Variants in DYNC1H1 observed in about 807,000 individuals in gnomAD.
DYNC1H1 encodes dynein cytoplasmic 1 heavy chain 1.
In DYNC1H1, 51 loss-of-function variants were observed where a neutral mutation model predicts 527.1. That is an observed-to-expected ratio of 0.10 (90% confidence interval 0.08 to 0.12). The LOEUF is 0.12. Among genes scored for constraint, DYNC1H1 ranks in the 10% least tolerant of loss-of-function variants. DYNC1H1 has a pLI of 1.00. For synonymous variants in DYNC1H1, 2,189 were observed against 2,278.8 expected (o/e 0.96, Z 1.12); for missense variants, 2,771 against 5,971.8 (o/e 0.46, Z 17.66).
At position 102,044,791 on chromosome 14, in the gene DYNC1H1, T is replaced by C; in HGVS notation, c.13006+93T>C. The C allele has an allele frequency of 7.1e-7, 1 of 1,408,748 alleles. No individual in the cohort carries two copies. The highest frequency in any genetic ancestry group is 9.9e-7 in the Non-Finnish European group (1 of 1,007,100). 87.3% of individuals were successfully genotyped at this position (1,408,748 alleles called of 1,614,324 possible). On this transcript the variant is annotated intron_variant, in intron 72 of 77. Coordinates refer to ENST00000360184, the MANE Select transcript of DYNC1H1 (RefSeq NM_001376.5). The surrounding 1 kb of genome is among the most constrained non-coding windows in gnomAD (Gnocchi z 7.1). ...CGAGGGTCCCCACACGCAGGGTGAGTGTGCACTGCTGTCCCAGGGCCCTCC... is the reference window on the plus strand; with the variant it reads ...CGAGGGTCCCCACACGCAGGGTGAGCGTGCACTGCTGTCCCAGGGCCCTCC...
At chr14:102,031,773 G>A (rs949779563) in intron 51 of DYNC1H1, among the ~76,000 whole-genome samples, 1 of 152,128 alleles carries the variant, frequency 6.6e-6, no homozygotes, top group African/African-American at 2.4e-5. Flanking sequence ...TGACCAACAT[G>A]GAGAAACCCC....
In DYNC1H1 at chr14:102,042,459, G is replaced by A; in HGVS notation, c.12351G>A (p.Gln4117=). ...MQLEKKLHSL[Q]PHACFRLFLT... ...TGGAGAAGAAGTTGCATTCCCTGCA[G>A]CCGCATGCCTGCTTCCGACTCTTCC... The change falls in exon 68 of 78, where the codon CAG becomes CAA. Residue 4117 remains glutamine, a synonymous_variant. Coordinates refer to ENST00000360184, the MANE Select transcript of DYNC1H1 (RefSeq NM_001376.5). This position sits in a 1 kb window ranked among gnomAD's most constrained non-coding sequence, Gnocchi z 5.7. The A allele has an allele frequency of 1.2e-6, 2 of 1,614,158 alleles. No homozygotes were observed. The highest frequency in any genetic ancestry group is 8.5e-7 in the Non-Finnish European group (1 of 1,180,036).
At chr14:102,030,319 G>C in intron 51 of DYNC1H1, 37 bp downstream of exon 51, 2 of 1,613,908 alleles carry the variant, frequency 1.2e-6, no homozygotes, top group Non-Finnish European at 1.7e-6. Context: ...TGTCTAGGAA[G>C]GGTGGTCTCC....
rs17541408 is a variant in DYNC1H1 at position 102,032,794 on chromosome 14, A to G, written c.10080-271A>G. The G allele has an allele frequency of 3.2e-3, 1,811 of 564,388 alleles. 22 individuals are homozygous for G. Among genetic ancestry groups the G allele is most frequent in the East Asian group, 0.017 (553 of 31,870 alleles). The allele number at this position is 564,388 out of a possible 1,614,324, so 35.0% of individuals were successfully genotyped here. A position where few individuals can be genotyped will look rare whatever the true frequency, so the allele number is the denominator to read the frequency against. ...CCTGAACCCAGGGGATCAAGGCTTC[A>G]GTGAACCGAGATCACACCACCGCAC... On this transcript the variant is annotated intron_variant, in intron 52 of 77. Coordinates refer to ENST00000360184, the MANE Select transcript of DYNC1H1 (RefSeq NM_001376.5).
intron 2 of DYNC1H1, among the ~76,000 whole-genome samples, chr14:101,978,974 T>G (rs1392928325): frequency 6.6e-6 from 1 of 152,228 alleles, no homozygotes; most frequent in Admixed American, 6.5e-5. Context: ...TCTTATCACC[T>G]TAACCAGTGA....
chr14:101,980,215 T>C, intron 4 of DYNC1H1, 149 bp from the exon 5 acceptor site: 1 of 1,156,312 alleles, frequency 8.6e-7, no homozygotes, highest in African/African-American at 1.5e-5. Context: ...CGTATACCTT[T>C]GATTTCAAAT....
Position 102,049,844 on chromosome 14 carries a change from A to G in DYNC1H1, c.13646A>G (p.Gln4549Arg). 6.2e-7 allele frequency: 1 copy of G among 1,613,862 alleles called. No individual in the cohort carries two copies. The highest frequency in any genetic ancestry group is 8.5e-7 in the Non-Finnish European group (1 of 1,180,028). Residue 4549 changes from glutamine (Q) to arginine (R), a missense_variant, in exon 76 of 78, where the codon CAG (glutamine) becomes CGG (arginine). Transcript: ENST00000360184. The surrounding 1 kb of genome is among the most constrained non-coding windows in gnomAD (Gnocchi z 5.5). ...LCLEVNVTTS[Q>R]GATLDACSFG... ...CTGGAAGTCAACGTCACCACCTCAC[A>G]GGGCGCCACCCTTGACGCTTGCAGC...
In DYNC1H1 at chr14:102,033,273, A is replaced by G. The variant is rs1567019118; in HGVS notation, c.10202A>G (p.Asn3401Ser). The change falls in exon 54 of 78, where the codon AAC becomes AGC. Residue 3401 changes from asparagine (N) to serine (S), a missense_variant. Asn to Ser is a conservative substitution (Grantham distance 46). Around this residue, in one of 32 missense-constraint regions of DYNC1H1, gnomAD observed 283 missense variants for 737.6 expected, o/e 0.38. Transcript: ENST00000360184. The surrounding 1 kb of genome is among the most constrained non-coding windows in gnomAD (Gnocchi z 5.6). ...PMVKWAIAQLNYADMLKRVEP... is the reference protein window; with the variant it reads ...PMVKWAIAQLSYADMLKRVEP... ...TTATCAATTGGTTCTTCCCAGCTTA[A>G]CTATGCAGACATGTTAAAGAGAGTG... is the stretch of plus-strand genomic sequence containing the variant. 1.9e-6 allele frequency: 3 copies of G among 1,614,220 alleles called. No individual in the cohort carries two copies. Among genetic ancestry groups the G allele is most frequent in the Non-Finnish European group, 2.5e-6 (3 of 1,180,040 alleles).
At position 101,965,814 on chromosome 14, in the gene DYNC1H1, A is replaced by G. The variant is rs555429696; in HGVS notation, c.256+867A>G. Reference sequence around the variant, plus strand: ...GTAATATTTGAGTCTAATTTTACAGATTAAAAAAAAAAAAAAAGATTCAGG... The same window carrying G: ...GTAATATTTGAGTCTAATTTTACAGGTTAAAAAAAAAAAAAAAGATTCAGG... On this transcript the variant is annotated intron_variant, in intron 1 of 77. Coordinates refer to ENST00000360184, the MANE Select transcript of DYNC1H1 (RefSeq NM_001376.5). This position sits in a 1 kb window ranked among gnomAD's most constrained non-coding sequence, Gnocchi z 4.1. 3.2e-4 allele frequency among the ~76,000 whole-genome samples: 45 copies of G among 141,486 alleles called. No homozygotes were observed. Among genetic ancestry groups the G allele is most frequent in the African/African-American group, 1.2e-3 (42 of 34,278 alleles). 92.8% of individuals were successfully genotyped at this position (141,486 alleles called of 152,430 possible).
At chr14:102,048,808 CTCAAGGTGGGCGGGGGGAGGGGA>C in intron 74 of DYNC1H1, 139 bp downstream of exon 74, 2 of 573,104 alleles carry the variant, frequency 3.5e-6, no homozygotes. Context: ...TGCTCTTACC[CTCAAGGTGGGCGGGGGGAGGGGA>C]GGAGCTTAGA....
Position 102,010,194 on chromosome 14 carries a change from A to C in DYNC1H1, c.6222-82A>C. On this transcript the variant is annotated intron_variant, in intron 30 of 77. Coordinates refer to ENST00000360184, the MANE Select transcript of DYNC1H1 (RefSeq NM_001376.5). This position sits in a 1 kb window ranked among gnomAD's most constrained non-coding sequence, Gnocchi z 6.0. Reference sequence around the variant, plus strand: ...TGATGGTACGTCTTTCAAAATATCCATCTCTGGTTTCTTGACACTTGACCC... The same window carrying C: ...TGATGGTACGTCTTTCAAAATATCCCTCTCTGGTTTCTTGACACTTGACCC... The C allele has an allele frequency of 6.2e-7, 1 of 1,612,280 alleles. No individual in the cohort carries two copies. The highest frequency in any genetic ancestry group is 2.2e-5 in the East Asian group (1 of 44,886).
Position 102,036,367 on chromosome 14 carries a change from C to G in DYNC1H1, c.10755-122C>G. ...GTAAACCTGAAAACGTCTCCGGAAA[C>G]CACTCTCGGGTGGTGGTAACAGCCT... On this transcript the variant is annotated intron_variant, in intron 56 of 77. Transcript: ENST00000360184. This position sits in a 1 kb window ranked among gnomAD's most constrained non-coding sequence, Gnocchi z 5.6. 7.5e-7 allele frequency: 1 copy of G among 1,337,442 alleles called. No individual in the cohort carries two copies. Among genetic ancestry groups the G allele is most frequent in the Non-Finnish European group, 1.1e-6 (1 of 941,390 alleles). 82.8% of individuals were successfully genotyped at this position (1,337,442 alleles called of 1,614,324 possible).
intron 34 of DYNC1H1, among the ~76,000 whole-genome samples, 199 bp from the exon 35 acceptor site, chr14:102,014,906 C>T (rs1302711685): frequency 6.6e-6 from 1 of 152,144 alleles, no homozygotes; most frequent in African/African-American, 2.4e-5. Context: ...GCCTCCACCT[C>T]CCAGGCTCAA....
intron 43 of DYNC1H1, among the ~76,000 whole-genome samples, chr14:102,024,351 T>G (rs2048424199): frequency 2.0e-5 from 3 of 152,180 alleles, no homozygotes; most frequent in African/African-American, 7.2e-5. Context: ...GTGATAGACG[T>G]GAGTAAGAGC....
chr14:101,996,930 C>A, intron 15 of DYNC1H1, 105 bp from the exon 16 acceptor site: 1 of 1,477,534 alleles, frequency 6.8e-7, no homozygotes, highest in Admixed American at 2.0e-5. Context: ...GCCAGTCTTA[C>A]GTGTTTTATA....
At position 102,010,703 on chromosome 14, in the gene DYNC1H1, A is replaced by T; in HGVS notation, c.6406-37A>T. 1 of 1,610,498 alleles carries T rather than the reference A, an allele frequency of 6.2e-7. No homozygotes were observed. Among genetic ancestry groups the T allele is most frequent in the East Asian group, 2.2e-5 (1 of 44,874 alleles). On this transcript the variant is annotated intron_variant, in intron 31 of 77. Coordinates refer to ENST00000360184, the MANE Select transcript of DYNC1H1 (RefSeq NM_001376.5). This position sits in a 1 kb window ranked among gnomAD's most constrained non-coding sequence, Gnocchi z 6.0. ...GGATGCAGCGGGCAGTACTTGAGCCATGCTGCGCTGCTCACAGCCCAGCCC... is the reference window on the plus strand; with the variant it reads ...GGATGCAGCGGGCAGTACTTGAGCCTTGCTGCGCTGCTCACAGCCCAGCCC...
intron 73 of DYNC1H1, 146 bp from the exon 74 acceptor site, chr14:102,048,370 A>G: frequency 2.6e-6 from 3 of 1,144,202 alleles, no homozygotes; most frequent in South Asian, 2.7e-5. Flanking sequence ...CTCGGTTCCA[A>G]GTCACGCTCT....
rs1226034610 is a variant in DYNC1H1 at position 101,965,725 on chromosome 14, T to C, written c.256+778T>C. Among the ~76,000 whole-genome samples the C allele has an allele frequency of 6.6e-6, 1 of 151,748 alleles. No homozygotes were observed. Among genetic ancestry groups the C allele is most frequent in the Non-Finnish European group, 1.5e-5 (1 of 67,968 alleles). ...CTCAGTGTCTCAGCTCCCCATCCAC[T>C]GCTTGTTTTCACTGATCATACCTCA... On this transcript the variant is annotated intron_variant, in intron 1 of 77. Coordinates refer to ENST00000360184, the MANE Select transcript of DYNC1H1 (RefSeq NM_001376.5). This position sits in a 1 kb window ranked among gnomAD's most constrained non-coding sequence, Gnocchi z 4.1.
chr14:101,994,347 C>G (rs1409521293), intron 12 of DYNC1H1, 23 bp downstream of exon 12: 1 of 1,614,022 alleles, frequency 6.2e-7, no homozygotes, highest in Non-Finnish European at 8.5e-7. Context: ...TAATTTCATT[C>G]AAATGTGCAT....
Sources: allele counts gnomAD v4.1 joint callset (sites outside exome capture counted in the v4.1 genomes callset), GRCh38; gene constraint gnomAD v4.1.1; regional missense constraint gnomAD v4.1.1; non-coding constraint Gnocchi (gnomAD v3.1); transcripts MANE v1.5; gene names NCBI Gene and HGNC (gene_info 2026-07-23, HGNC 2026-07-21).